The following PDS5B variants were observed in gnomAD, a reference collection of about 807,000 sequenced individuals.
PDS5B encodes the protein PDS5 cohesin associated factor B, also known as sister chromatid cohesion protein PDS5 homolog B.
PDS5B carries 51 observed loss-of-function variants against 184.1 expected under a neutral mutation model. The ratio of observed to expected loss-of-function variants is 0.28; its 90% CI spans 0.22 to 0.35. The LOEUF (loss-of-function observed/expected upper bound fraction) is 0.35. Ranked by LOEUF, PDS5B falls within the 10% of genes least tolerant of loss-of-function variation. The pLI is 1.00. For missense variants in PDS5B, 1,180 were observed against 1,723.3 expected, an observed-to-expected ratio of 0.68 and a Z score of 5.58; for synonymous variants, 566 against 569.2, an observed-to-expected ratio of 0.99 and a Z score of 0.08.
chr13:32,718,441 C>T (rs771709797), intron 19 of PDS5B, among the ~76,000 whole-genome samples: 9 of 152,186 alleles, frequency 5.9e-5, no homozygotes, highest in East Asian at 1.9e-4. Flanking sequence ...TGAGCCACCA[C>T]GCCTGGCCAA....
At chr13:32,688,365 A>G (rs1951453865) in intron 12 of PDS5B, 91 bp from the exon 13 acceptor site, 9 of 624,044 alleles carry the variant, frequency 1.4e-5, no homozygotes, top group East Asian at 1.4e-4. Flanking sequence ...AACTTCTTTA[A>G]TATATGTTCT....
chr13:32,704,216 T>C (rs1300008823), intron 17 of PDS5B, among the ~76,000 whole-genome samples: 1 of 152,052 alleles, frequency 6.6e-6, no homozygotes, highest in Non-Finnish European at 1.5e-5. Flanking sequence ...TTGCCCAGGC[T>C]AGAGTGCAGT....
At chr13:32,617,952 G>T (rs2140526668) in intron 1 of PDS5B, among the ~76,000 whole-genome samples, 1 of 152,278 alleles carries the variant, frequency 6.6e-6, no homozygotes, top group East Asian at 1.9e-4. Flanking sequence ...AGTTCTGGAG[G>T]CTGGGAAGTC....
At chr13:32,747,268 C>G (rs1226666648) in intron 24 of PDS5B, among the ~76,000 whole-genome samples, 2 of 152,214 alleles carry the variant, frequency 1.3e-5, no homozygotes, top group East Asian at 3.9e-4. Flanking sequence ...TAGTTTTTCT[C>G]TTCTTTTCCA....
chr13:32,635,612 G>C (rs1379802827), intron 1 of PDS5B, among the ~76,000 whole-genome samples: 2 of 151,882 alleles, frequency 1.3e-5, no homozygotes, highest in Non-Finnish European at 2.9e-5. Context: ...AAAGTGCTGG[G>C]ATTACAGGCG....
At chr13:32,639,957 T>C (rs950805023) in intron 1 of PDS5B, among the ~76,000 whole-genome samples, 4 of 152,196 alleles carry the variant, frequency 2.6e-5, no homozygotes, top group African/African-American at 9.6e-5. Flanking sequence ...ATTTGTTGAT[T>C]TGGATGCCTA....
At chr13:32,599,983 A>G (rs181270296) in intron 1 of PDS5B, among the ~76,000 whole-genome samples, 4 of 152,204 alleles carry the variant, frequency 2.6e-5, no homozygotes, top group African/African-American at 9.6e-5. Flanking sequence ...CTGCTTACAC[A>G]TTATTCTGTT....
chr13:32,698,719 C>T (rs1417891616), intron 15 of PDS5B, among the ~76,000 whole-genome samples: 2 of 151,450 alleles, frequency 1.3e-5, no homozygotes, highest in African/African-American at 2.4e-5. Flanking sequence ...GGGGTTCACT[C>T]GAATTTCTAC....
chr13:32,722,567 T>C (rs932842899), intron 19 of PDS5B, among the ~76,000 whole-genome samples: 1 of 152,200 alleles, frequency 6.6e-6, no homozygotes, highest in African/African-American at 2.4e-5. Context: ...TTATGTAAGT[T>C]TACTCTATGA....
chr13:32,611,979 T>C (rs915553666), intron 1 of PDS5B, among the ~76,000 whole-genome samples: 1 of 152,140 alleles, frequency 6.6e-6, no homozygotes, highest in Non-Finnish European at 1.5e-5. Flanking sequence ...AATACTCTCA[T>C]ATTCAGTACT....
At chr13:32,703,933 T>G (rs953711826) in intron 17 of PDS5B, among the ~76,000 whole-genome samples, 1 of 152,212 alleles carries the variant, frequency 6.6e-6, no homozygotes, top group Non-Finnish European at 1.5e-5. Context: ...CCATAGGGAC[T>G]CAGTGAAATT....
chr13:32,722,409 A>G (rs1952749260), intron 19 of PDS5B, among the ~76,000 whole-genome samples: 1 of 152,160 alleles, frequency 6.6e-6, no homozygotes, highest in South Asian at 2.1e-4. Context: ...ATATTTTTTC[A>G]GTACCTTTTC....
chr13:32,703,638 G>A (rs1199267269), intron 17 of PDS5B, among the ~76,000 whole-genome samples: 2 of 152,186 alleles, frequency 1.3e-5, no homozygotes, highest in African/African-American at 4.8e-5. Flanking sequence ...AACCTAGGAA[G>A]TCTGTCTCTA....
At chr13:32,683,315 ATTTTT>A (rs529817272) in intron 10 of PDS5B, among the ~76,000 whole-genome samples, 5 of 119,912 alleles carry the variant, frequency 4.2e-5, no homozygotes, top group African/African-American at 1.6e-4. Flanking sequence ...GGCCTTTAAA[ATTTTT>A]TTTTTTTTTT....
At position 32,655,578 on chromosome 13, in the gene PDS5B, G is replaced by GT. The variant is rs1434981075; in HGVS notation, c.313-2661_313-2660insT. Among the ~76,000 whole-genome samples the GT allele has an allele frequency of 1.6e-4, 24 of 151,072 alleles. No individual in the cohort carries two copies. The Admixed American group carries it at 1.6e-3, about 10-fold the overall frequency. On this transcript the variant is annotated intron_variant, in intron 3 of 34. Transcript: ENST00000315596. The stretch of plus-strand genomic sequence containing the variant: ...ATTAGTAGAGTGGTTTTACCACGTT[G>GT]ACTGGGCTGGTCTTGAACTCCTGAC...
intron 10 of PDS5B, among the ~76,000 whole-genome samples, chr13:32,679,480 A>G (rs1951170405): frequency 6.6e-6 from 1 of 152,112 alleles, no homozygotes; most frequent in Admixed American, 6.5e-5. Context: ...GACTAAAAAT[A>G]CAAAAATTAG....
chr13:32,659,305 G>A (rs1036998725), intron 6 of PDS5B, 25 bp downstream of exon 6: 1 of 1,524,940 alleles, frequency 6.6e-7, no homozygotes, highest in Non-Finnish European at 8.9e-7. Context: ...ATACTGTAAT[G>A]TGTCTAATGC....
intron 3 of PDS5B, among the ~76,000 whole-genome samples, chr13:32,655,738 C>T (rs1454530794): frequency 1.3e-5 from 2 of 151,934 alleles, no homozygotes; most frequent in Non-Finnish European, 2.9e-5. Context: ...TGATATTAGA[C>T]CTTTGTTCAA....
rs1050236875 is a variant in PDS5B, at chr13:32,735,067, C to T, written c.2248-105C>T. On this transcript the variant is annotated intron_variant, in intron 20 of 34. Transcript: ENST00000315596. ...TTTGTAGTTTTTATAATTTGAATTA[C>T]AAAATAAATTACAAAATAAATTTTG... 9.1e-6 allele frequency: 6 copies of T among 657,716 alleles called. No individual in the cohort carries two copies. The African/African-American group carries it at 9.5e-5, about 10-fold the overall frequency. The allele number at this position is 657,716 out of a possible 1,614,324, so 40.7% of individuals were successfully genotyped here.
Sources: allele counts gnomAD v4.1 joint callset (sites outside exome capture counted in the v4.1 genomes callset), GRCh38; gene constraint gnomAD v4.1.1; transcripts MANE v1.5; gene names NCBI Gene and HGNC (gene_info 2026-07-23, HGNC 2026-07-21).